The following ZNF888 variants were observed in gnomAD, a reference collection of about 807,000 sequenced individuals.
The protein encoded by ZNF888 is CTD-2331H12.6.
ZNF888 carries 5 observed loss-of-function variants against 7.2 expected under a neutral mutation model. That is an observed-to-expected ratio of 0.70 (90% confidence interval 0.36 to 1.46). The LOEUF (loss-of-function observed/expected upper bound fraction) is 1.46. Among genes scored for constraint, ZNF888 ranks in the 40% most tolerant of loss-of-function variants. ZNF888 has a pLI of 0.03. For missense variants in ZNF888, 716 were observed against 858.0 expected (o/e 0.83, Z 2.07); for synonymous variants, 240 against 284.3 (o/e 0.84, Z 1.57).
In ZNF888 at chr19:52,916,615, C is replaced by CATATAT. The variant is rs67843514; in HGVS notation, c.15+1238_15+1243dup. On this transcript the variant is annotated intron_variant, in intron 3 of 4. Coordinates refer to ENST00000638862, the MANE Select transcript of ZNF888 (RefSeq NM_001393938.1). The stretch of plus-strand genomic sequence containing the variant: ...TATTATATACATACATATACATATA[C>CATATAT]ATATATATATATATATATATATATA... Among the ~76,000 whole-genome samples the CATATAT allele has an allele frequency of 1.5e-3, 196 of 131,422 alleles. 1 individual carries two copies. Among genetic ancestry groups the CATATAT allele is most frequent in the African/African-American group, 2.6e-3 (85 of 32,698 alleles). 86.2% of individuals were successfully genotyped at this position (131,422 alleles called of 152,430 possible). A position where few individuals can be genotyped will look rare whatever the true frequency, so the allele number is the denominator to read the frequency against.
At chr19:52,914,260 G>A (rs991926568) in intron 4 of ZNF888, 28 of 710,584 alleles carry the variant, frequency 3.9e-5, no homozygotes, top group Non-Finnish European at 4.7e-5. Context: ...TGAAGGTGGA[G>A]CTTCCACTCT....
Position 52,904,709 on chromosome 19 carries a change from G to A in ZNF888, c.*1456C>T, listed in dbSNP as rs2064587777. 1 of 152,180 alleles carries A rather than the reference G, an allele frequency of 6.6e-6. No individual in the cohort carries two copies. The highest frequency in any genetic ancestry group is 6.5e-5 in the Admixed American group (1 of 15,274). The allele number at this position is 152,180 out of a possible 1,614,324, so 9.4% of individuals were successfully genotyped here. On this transcript the variant is annotated 3_prime_UTR_variant, in exon 5 of 5. Transcript: ENST00000638862. ...TTATGAGTTGATTTTTAACTACTGG[G>A]TTTAGGCCAGGCAGGCCCAGGCCTG... is the stretch of plus-strand genomic sequence containing the variant.
chr19:52,909,067 C>A (rs2064645403), intron 4 of ZNF888, among the ~76,000 whole-genome samples: 1 of 151,292 alleles, frequency 6.6e-6, no homozygotes, highest in Admixed American at 6.6e-5. Flanking sequence ...ATTGCTTGAA[C>A]CCGGGAGGCG....
intron 3 of ZNF888, among the ~76,000 whole-genome samples, chr19:52,916,625 T>C (rs1008362359): frequency 2.4e-5 from 3 of 123,816 alleles, no homozygotes; most frequent in Admixed American, 9.9e-5. Flanking sequence ...CATATATATA[T>C]ATATATATAT....
chr19:52,907,399 C>T lies in ZNF888; in HGVS notation c.923G>A (p.Ser308Asn), dbSNP rs2064623363. The T allele has an allele frequency of 3.1e-6, 5 of 1,612,602 alleles. No individual in the cohort carries two copies. In the East Asian group the frequency reaches 1.1e-4, roughly 36 times the overall value. The change falls in exon 5 of 5, where the codon AGT becomes AAT. Residue 308 changes from serine to asparagine, a missense_variant. Coordinates refer to ENST00000638862, the MANE Select transcript of ZNF888 (RefSeq NM_001393938.1). ...GTGAACTAAGAGGGCTGACTTGTCA[C>T]TGAACGTCTTGCCACACTCATTACA... is the stretch of plus-strand genomic sequence containing the variant. ...YKCNECGKTFSDKSALLVHKT... is the reference protein window; with the variant it reads ...YKCNECGKTFNDKSALLVHKT...
chr19:52,913,845 G>C (rs1214483472), intron 4 of ZNF888: 3 of 666,290 alleles, frequency 4.5e-6, no homozygotes, highest in Non-Finnish European at 5.6e-6. Flanking sequence ...AATAATAACG[G>C]TTGGGCATGG....
At chr19:52,920,517 G>GGAAAAAAAA (rs2064813371) in intron 1 of ZNF888, among the ~76,000 whole-genome samples, 1 of 17,408 alleles carries the variant, frequency 5.7e-5, no homozygotes, top group Non-Finnish European at 1.0e-4. Context: ...AAAAAAAAAA[G>GGAAAAAAAA]AAAAAAAAAG....
rs1290207642 is a variant in ZNF888 at position 52,904,545 on chromosome 19, G to A, written c.*1620C>T. On this transcript the variant is annotated 3_prime_UTR_variant, in exon 5 of 5. Transcript: ENST00000638862. ...ACTAAGGATTTCACATGAAACGGTC[G>A]TGATTGATTTGAGCAAGCAGTGGGT... 2.0e-5 allele frequency: 3 copies of A among 152,208 alleles called. No individual in the cohort carries two copies. The highest frequency in any genetic ancestry group is 2.1e-4 in the South Asian group (1 of 4,834). The allele number at this position is 152,208 out of a possible 1,614,324, so 9.4% of individuals were successfully genotyped here.
chr19:52,915,415 A>G (rs2064734170), intron 3 of ZNF888, 93 bp from the exon 4 acceptor site: 12 of 1,611,042 alleles, frequency 7.4e-6, no homozygotes, highest in Non-Finnish European at 1.0e-5. Flanking sequence ...CATGGATTTA[A>G]TTGTAGTGAA....
At chr19:52,909,627 T>C (rs10421577) in intron 4 of ZNF888, among the ~76,000 whole-genome samples, 2,769 of 152,110 alleles carry the variant, frequency 0.018, 86 homozygotes, top group African/African-American at 0.063. Context: ...AATCATAAAA[T>C]CAATTAATAA....
chr19:52,906,161 T>TACCTGTGGGAA lies in ZNF888; in HGVS notation c.*3_*4insTTCCCACAGGT. 6.2e-7 allele frequency: 1 copy of TACCTGTGGGAA among 1,612,858 alleles called. No homozygotes were observed. Among genetic ancestry groups the TACCTGTGGGAA allele is most frequent in the Non-Finnish European group, 8.5e-7 (1 of 1,179,298 alleles). On this transcript the variant is annotated 3_prime_UTR_variant, in exon 5 of 5. Transcript: ENST00000638862. ...TTACTGAAGACTTGGTGACAATCAT[T>TACCTGTGGGAA]ACATTAGTCAAGTTTCCCTACACCA...
In ZNF888 at chr19:52,914,689, CAG is replaced by C. The variant is rs571105576; in HGVS notation, c.142+505_142+506del. On this transcript the variant is annotated intron_variant, in intron 4 of 4. Transcript: ENST00000638862. ...AAGGTTTTGTTTTTGTTTTTTGAGA[CAG>C]AGTCTTGCTCTGCCATCTGGGCTGG... Among the ~76,000 whole-genome samples, 527 of 152,264 alleles carry C rather than the reference CAG, an allele frequency of 3.5e-3. 4 individuals are homozygous for C. Among genetic ancestry groups the C allele is most frequent in the African/African-American group, 0.012 (505 of 41,558 alleles).
At position 52,908,042 on chromosome 19, in the gene ZNF888, G is replaced by A. The variant is rs2147923637; in HGVS notation, c.280C>T (p.His94Tyr). ...TCTTGCCACTGAAACACAAAGTCAT[G>A]AATGTCTTTCTCAATTTCCTGGAAG... ...CCFQEIEKDI[H>Y]DFVFQWQEDE... Residue 94 changes from histidine to tyrosine, a missense_variant, in exon 5 of 5, where the codon CAT becomes TAT. His to Tyr is a moderately conservative substitution (Grantham distance 83). Transcript: ENST00000638862. 1 of 1,614,132 alleles carries A rather than the reference G, an allele frequency of 6.2e-7. No individual in the cohort carries two copies. Among genetic ancestry groups the A allele is most frequent in the Non-Finnish European group, 8.5e-7 (1 of 1,180,016 alleles).
At chr19:52,908,210 A>G (rs767549518) in intron 4 of ZNF888, 31 bp from the exon 5 acceptor site, 5 of 1,588,266 alleles carry the variant, frequency 3.1e-6, no homozygotes, top group African/African-American at 1.3e-5. Context: ...TAGTTTTCCA[A>G]TTCAGTACAG....
intron 4 of ZNF888, among the ~76,000 whole-genome samples, chr19:52,908,616 T>C (rs1332858667): frequency 6.6e-6 from 1 of 152,146 alleles, no homozygotes; most frequent in Non-Finnish European, 1.5e-5. Flanking sequence ...AACAAGCTCT[T>C]GTAAGGATAA....
At chr19:52,917,460 A>G (rs571487203) in intron 3 of ZNF888, 1 of 503,998 alleles carries the variant, frequency 2.0e-6, no homozygotes, top group African/African-American at 1.9e-5. Flanking sequence ...GGTCTTTTCT[A>G]GAATTTACCA....
chr19:52,913,739 A>T (rs2064712766), intron 4 of ZNF888: 4 of 984,670 alleles, frequency 4.1e-6, no homozygotes, highest in Non-Finnish European at 4.8e-6. Flanking sequence ...CTGCGTACTG[A>T]AAGGAATGGA....
Position 52,907,039 on chromosome 19 carries a change from T to C in ZNF888, c.1283A>G (p.His428Arg), listed in dbSNP as rs2064618119. 1 of 1,611,884 alleles carries C rather than the reference T, an allele frequency of 6.2e-7. No individual in the cohort carries two copies. Among genetic ancestry groups the C allele is most frequent in the Non-Finnish European group, 8.5e-7 (1 of 1,179,300 alleles). Residue 428 changes from histidine to arginine, a missense_variant, in exon 5 of 5, where the codon CAC (histidine) becomes CGC (arginine). His to Arg is a conservative substitution (Grantham distance 29). Coordinates refer to ENST00000638862, the MANE Select transcript of ZNF888 (RefSeq NM_001393938.1). ...TTTCTCTCCAGTATGAATTGTCTTG[T>C]GAACTAAGAGGGCTGAATTTTCACC... ...TFGENSALLV[H>R]KTIHTGEKPY...
In ZNF888 at chr19:52,908,194, C is replaced by T. The variant is rs771028608; in HGVS notation, c.143-15G>A. On this transcript the variant is annotated splice_polypyrimidine_tract_variant and intron_variant, in intron 4 of 4. Transcript: ENST00000638862. Reference sequence around the variant, plus strand: ...GGAAGAGATATCTACAAAATATAAACGCCAATAGTTTTCCAATTCAGTACA... The same window carrying T: ...GGAAGAGATATCTACAAAATATAAATGCCAATAGTTTTCCAATTCAGTACA... 31 of 1,611,102 alleles carry T rather than the reference C, an allele frequency of 1.9e-5. 1 individual carries two copies. Among genetic ancestry groups the T allele is most frequent in the South Asian group, 1.2e-4 (11 of 91,034 alleles).
Sources: gnomAD v4.1 joint callset for allele counts (sites outside exome capture counted in the v4.1 genomes callset) on GRCh38, gnomAD v4.1.1 for gene constraint, MANE v1.5 for transcripts, NCBI Gene and HGNC (gene_info 2026-07-23, HGNC 2026-07-21) for gene names.